Variants in ZFAT observed in about 807,000 individuals in gnomAD.
The protein encoded by ZFAT is zinc finger protein ZFAT.
Under a neutral mutation model 117.7 loss-of-function variants are expected in ZFAT, and 64 were observed. That is an observed-to-expected ratio of 0.54 (90% CI 0.44 to 0.67). The LOEUF (loss-of-function observed/expected upper bound fraction) is 0.67. ZFAT is among the 30% of genes least tolerant of loss of function. The pLI, the probability that ZFAT is intolerant of heterozygous loss-of-function variation, is 0.00. For missense variants in ZFAT, 1,433 were observed against 1,584.5 expected, an observed-to-expected ratio of 0.90 and a Z score of 1.62; for synonymous variants, 679 against 615.0, an observed-to-expected ratio of 1.10 and a Z score of -1.54.
chr8:134,508,093 C>G (rs1329440942), intron 15 of ZFAT, among the ~76,000 whole-genome samples: 1 of 148,100 alleles, frequency 6.8e-6, no homozygotes, highest in Non-Finnish European at 1.5e-5. Flanking sequence ...CAGCTCGACT[C>G]CTGAGAGAAA....
intron 1 of ZFAT, among the ~76,000 whole-genome samples, chr8:134,661,990 C>T (rs1831955729): frequency 6.6e-6 from 1 of 152,194 alleles, no homozygotes; most frequent in Non-Finnish European, 1.5e-5. Context: ...CTGTCCCAGT[C>T]CATCTGAGTA....
In ZFAT at chr8:134,602,652, C is replaced by A; in HGVS notation, c.1067G>T (p.Cys356Phe). 6.2e-7 allele frequency: 1 copy of A among 1,614,214 alleles called. No homozygotes were observed. Among genetic ancestry groups the A allele is most frequent in the Non-Finnish European group, 8.5e-7 (1 of 1,180,060 alleles). Residue 356 changes from cysteine to phenylalanine, a missense_variant, in exon 6 of 16, where the codon TGC (cysteine) becomes TTC (phenylalanine). Coordinates refer to ENST00000377838, the MANE Select transcript of ZFAT (RefSeq NM_020863.4). ...ERVHKKIKQH[C>F]RFCKKKYSDV... is the part of the protein sequence containing the mutation. ...AGAGTACTTCTTCTTGCAGAAGCGG[C>A]AGTGCTGCTTGATCTTCTTGTGCAC...
chr8:134,488,133 G>T (rs1045083737), intron 15 of ZFAT, among the ~76,000 whole-genome samples: 1 of 152,226 alleles, frequency 6.6e-6, no homozygotes, highest in African/African-American at 2.4e-5. Context: ...GAAGAGTGGA[G>T]GTCTGACTTC....
upstream of ZFAT, among the ~76,000 whole-genome samples, chr8:134,717,727 C>A (rs541896483): frequency 6.6e-6 from 1 of 151,686 alleles, no homozygotes; most frequent in East Asian, 1.9e-4. Context: ...ACCTCGTGAT[C>A]CGCCTCTGTC....
intron 2 of ZFAT, among the ~76,000 whole-genome samples, chr8:134,654,789 T>C (rs778488778): frequency 2.6e-5 from 4 of 152,204 alleles, no homozygotes; most frequent in Non-Finnish European, 4.4e-5. Flanking sequence ...GTACCCTGTG[T>C]CAGGCCCCAT....
intron 3 of ZFAT, among the ~76,000 whole-genome samples, chr8:134,617,044 T>G (rs2131001850): frequency 6.6e-6 from 1 of 152,300 alleles, no homozygotes; most frequent in Admixed American, 6.5e-5. Context: ...CCAAAGACTC[T>G]CTCAACCACA....
At chr8:134,624,179 T>TGCGC (rs200690783) in intron 3 of ZFAT, among the ~76,000 whole-genome samples, 1 of 81,746 alleles carries the variant, frequency 1.2e-5, no homozygotes, top group Non-Finnish European at 2.5e-5. Flanking sequence ...CATGTGCACA[T>TGCGC]GCACACACAC....
intron 12 of ZFAT, among the ~76,000 whole-genome samples, chr8:134,531,652 C>T (rs1821417010): frequency 6.6e-6 from 1 of 152,194 alleles, no homozygotes; most frequent in Admixed American, 6.5e-5. Context: ...CAGAGACCTT[C>T]CCACTGCATA....
At chr8:134,554,565 A>T (rs1823422883) in intron 11 of ZFAT, among the ~76,000 whole-genome samples, 1 of 152,148 alleles carries the variant, frequency 6.6e-6, no homozygotes, top group African/African-American at 2.4e-5. Flanking sequence ...GAAAGAGGAG[A>T]GGAAAGCCAC....
At chr8:134,812,625 C>T in the ZFAT span, among the ~76,000 whole-genome samples, 1 of 152,128 alleles carries the variant, frequency 6.6e-6, no homozygotes, top group African/African-American at 2.4e-5. Context: ...ATCCCAGATA[C>T]TCAGGTGACT....
chr8:134,615,816 T>C (rs766173623), intron 3 of ZFAT, among the ~76,000 whole-genome samples: 49 of 152,170 alleles, frequency 3.2e-4, no homozygotes, highest in Admixed American at 1.0e-3. Flanking sequence ...CACTAAACTT[T>C]CCAACCGATT....
intron 3 of ZFAT, among the ~76,000 whole-genome samples, chr8:134,618,117 C>A (rs1318762456): frequency 6.6e-6 from 1 of 152,094 alleles, no homozygotes; most frequent in African/African-American, 2.4e-5. Flanking sequence ...AACTATAAGT[C>A]CAATTGAACC....
the ZFAT span, among the ~76,000 whole-genome samples, chr8:134,741,855 T>C: frequency 6.6e-6 from 1 of 150,922 alleles, no homozygotes; most frequent in Non-Finnish European, 1.5e-5. Context: ...ACCAGTCACT[T>C]GAAAAAAAAA....
intron 10 of ZFAT, among the ~76,000 whole-genome samples, chr8:134,567,450 ACCAT>A (rs35445440): frequency 0.43 from 61,847 of 145,406 alleles, 12,951 homozygotes; most frequent in East Asian, 0.54. Flanking sequence ...AACCCTACCA[ACCAT>A]CCATCCATCC....
rs79983801 is a variant in ZFAT at position 134,682,475 on chromosome 8, C to T, written c.20-24738G>A. On this transcript the variant is annotated intron_variant, in intron 1 of 15. Transcript: ENST00000377838. ...GTTCGAGACCACCTAAGGGACATGG[C>T]GAAACCTGTCTCTATCAAAAATACA... is the stretch of plus-strand genomic sequence containing the variant. Among the ~76,000 whole-genome samples, 957 of 151,984 alleles carry T rather than the reference C, an allele frequency of 6.3e-3. 15 individuals are homozygous for T. The highest frequency in any genetic ancestry group is 0.022 in the African/African-American group (913 of 41,432).
At chr8:134,717,466 C>CTTTTT (rs746460924), upstream of ZFAT, among the ~76,000 whole-genome samples, 88 of 19,356 alleles carry the variant, frequency 4.5e-3, 32 homozygotes, top group African/African-American at 5.8e-3. Flanking sequence ...AATAACAACT[C>CTTTTT]TTTTTTTTTT....
intron 15 of ZFAT, among the ~76,000 whole-genome samples, chr8:134,496,284 C>G (rs548914864): frequency 2.6e-5 from 4 of 152,366 alleles, no homozygotes; most frequent in African/African-American, 9.6e-5. Context: ...CAAGGTCACA[C>G]ACTATTATGT....
chr8:134,672,412 T>C (rs1168200750), intron 1 of ZFAT, among the ~76,000 whole-genome samples: 1 of 151,716 alleles, frequency 6.6e-6, no homozygotes. Context: ...TGTTGTAGGG[T>C]GGGGGCAGGG....
the ZFAT span, among the ~76,000 whole-genome samples, chr8:134,718,330 C>G: frequency 1.3e-5 from 2 of 152,036 alleles, no homozygotes; most frequent in East Asian, 3.9e-4. Flanking sequence ...AGCCCCAACT[C>G]TACCAAAAAT....
Sources: gnomAD v4.1 joint callset for allele counts (sites outside exome capture counted in the v4.1 genomes callset) on GRCh38, gnomAD v4.1.1 for gene constraint, MANE v1.5 for transcripts, NCBI Gene and HGNC (gene_info 2026-07-23, HGNC 2026-07-21) for gene names.